Variants in CDS2 observed in about 807,000 individuals in gnomAD.
CDS2 encodes the protein phosphatidate cytidylyltransferase 2.
A neutral mutation model predicts 59.0 loss-of-function variants in CDS2; 47 were observed. That is an observed-to-expected ratio of 0.80 (90% CI 0.63 to 1.02). The LOEUF (loss-of-function observed/expected upper bound fraction) is 1.02, where lower values mean the gene tolerates loss of function less well. Ranked by LOEUF, CDS2 falls within the 50% of genes least tolerant of loss-of-function variation. The pLI, the probability that CDS2 is intolerant of heterozygous loss-of-function variation, is 0.00. For missense variants in CDS2, 356 were observed against 558.9 expected (o/e 0.64, Z 3.66); for synonymous variants, 207 against 206.4 (o/e 1.00, Z -0.02).
At chr20:5,135,648 C>A (rs1238022151) in intron 1 of CDS2, among the ~76,000 whole-genome samples, 8 of 152,170 alleles carry the variant, frequency 5.3e-5, no homozygotes, top group Non-Finnish European at 1.2e-4. Context: ...CGTATGGTCC[C>A]CACCGGGCAG....
chr20:5,186,624 C>T (rs2091069850), intron 9 of CDS2, 63 bp from the exon 10 acceptor site: 1 of 1,581,022 alleles, frequency 6.3e-7, no homozygotes, highest in Non-Finnish European at 8.7e-7. Flanking sequence ...AACCAGGTGC[C>T]TGTGTCTGGG....
At chr20:5,170,895 A>T (rs1406141695) in intron 1 of CDS2, among the ~76,000 whole-genome samples, 3 of 152,264 alleles carry the variant, frequency 2.0e-5, no homozygotes, top group Admixed American at 2.0e-4. Flanking sequence ...CACCGATCCC[A>T]CAGAAATACA....
At chr20:5,181,941 T>C (rs761854869) in intron 5 of CDS2, among the ~76,000 whole-genome samples, 4 of 152,220 alleles carry the variant, frequency 2.6e-5, no homozygotes, top group Non-Finnish European at 5.9e-5. Context: ...TGTGGTGTGT[T>C]GTTGACGAGA....
chr20:5,186,857 G>T lies in CDS2; in HGVS notation c.981+18G>T. The T allele has an allele frequency of 5.6e-6, 9 of 1,613,464 alleles. No individual in the cohort carries two copies. Among genetic ancestry groups the T allele is most frequent in the South Asian group, 3.3e-5 (3 of 91,048 alleles). On this transcript the variant is annotated intron_variant, in intron 10 of 12. Transcript: ENST00000460006. ...TTGGCTGGGTATGTGCCACTCACAG[G>T]GGGTGAGCGGCCTCCATGGACAGTG...
intron 1 of CDS2, among the ~76,000 whole-genome samples, chr20:5,136,212 T>TA (rs142696954): frequency 0.083 from 12,705 of 152,234 alleles, 605 homozygotes; most frequent in Middle Eastern, 0.15. Context: ...AAGACATTCC[T>TA]AGGTGCATGC....
chr20:5,155,170 TCC>T (rs1218700661), intron 1 of CDS2, among the ~76,000 whole-genome samples: 3 of 152,192 alleles, frequency 2.0e-5, no homozygotes, highest in African/African-American at 7.2e-5. Flanking sequence ...TTGGAGGCAC[TCC>T]CCCACCCCAA....
intron 1 of CDS2, chr20:5,128,088 C>G (rs1277363522): frequency 6.6e-6 from 1 of 152,158 alleles, no homozygotes; most frequent in Non-Finnish European, 1.5e-5. Context: ...TTCTTTGGCC[C>G]ACATATTGCC....
chr20:5,183,638 C>A (rs1281345900), intron 7 of CDS2, among the ~76,000 whole-genome samples: 1 of 152,170 alleles, frequency 6.6e-6, no homozygotes, highest in Non-Finnish European at 1.5e-5. Flanking sequence ...TTTTATCTAA[C>A]CTTTATACCA....
chr20:5,152,307 A>T, intron 1 of CDS2, among the ~76,000 whole-genome samples: 1 of 151,868 alleles, frequency 6.6e-6, no homozygotes, highest in East Asian at 1.9e-4. Context: ...AACTTTAAGG[A>T]TTTCTTTTTT....
At chr20:5,129,643 T>C (rs1258308576) in intron 1 of CDS2, among the ~76,000 whole-genome samples, 1 of 152,110 alleles carries the variant, frequency 6.6e-6, no homozygotes, top group African/African-American at 2.4e-5. Context: ...GGCTTCTCAA[T>C]GTTGGTCAGG....
chr20:5,162,243 A>G (rs1483050124), intron 1 of CDS2, among the ~76,000 whole-genome samples: 1 of 152,194 alleles, frequency 6.6e-6, no homozygotes, highest in East Asian at 1.9e-4. Context: ...TTGAGTGCCA[A>G]TGTGATGCTC....
At chr20:5,183,540 T>C (rs2091046103) in intron 7 of CDS2, among the ~76,000 whole-genome samples, 1 of 152,204 alleles carries the variant, frequency 6.6e-6, no homozygotes, top group South Asian at 2.1e-4. Flanking sequence ...AAAACGTGAA[T>C]AGATCAGTAA....
At chr20:5,131,581 A>G (rs1045106335) in intron 1 of CDS2, among the ~76,000 whole-genome samples, 2 of 152,262 alleles carry the variant, frequency 1.3e-5, no homozygotes, top group East Asian at 1.9e-4. Flanking sequence ...AGTGCTATTT[A>G]AATTAGAGCT....
intron 1 of CDS2, among the ~76,000 whole-genome samples, chr20:5,129,303 GTCTC>G (rs1208345556): frequency 3.3e-5 from 5 of 152,168 alleles, no homozygotes; most frequent in African/African-American, 1.2e-4. Context: ...TTTAGACGGA[GTCTC>G]TCTCTGTCGC....
chr20:5,176,390 T>TAAA, intron 3 of CDS2: 4 of 335,246 alleles, frequency 1.2e-5, no homozygotes, highest in South Asian at 4.1e-5. Context: ...AACCCTGTCT[T>TAAA]AAAAAAAAAA....
intron 1 of CDS2, among the ~76,000 whole-genome samples, chr20:5,164,647 T>A (rs2090900511): frequency 6.6e-6 from 1 of 151,882 alleles, no homozygotes; most frequent in South Asian, 2.1e-4. Context: ...AAAAAATTCC[T>A]TCCTTCCCCA....
At chr20:5,162,923 G>T (rs1294688839) in intron 1 of CDS2, among the ~76,000 whole-genome samples, 1 of 152,168 alleles carries the variant, frequency 6.6e-6, no homozygotes, top group Non-Finnish European at 1.5e-5. Flanking sequence ...AGGGGAATCT[G>T]TCTGATTTGG....
Position 5,181,532 on chromosome 20 carries a change from A to G in CDS2, c.530-855A>G, listed in dbSNP as rs533557807. On this transcript the variant is annotated intron_variant, in intron 5 of 12. Coordinates refer to ENST00000460006, the MANE Select transcript of CDS2 (RefSeq NM_003818.4). ...AGAATTGCTACTCTGTAGGCACAAC[A>G]GGCAGCAAACTTTTTATTAAAGTTC... 2.6e-5 allele frequency among the ~76,000 whole-genome samples: 4 copies of G among 152,372 alleles called. No individual in the cohort carries two copies. The East Asian group carries it at 7.7e-4, about 29-fold the overall frequency.
chr20:5,182,533 C>T, intron 6 of CDS2, 88 bp downstream of exon 6: 15 of 1,185,402 alleles, frequency 1.3e-5, no homozygotes, highest in Non-Finnish European at 1.7e-5. Flanking sequence ...CTTTCTGTGA[C>T]AAATCAAAAC....
Sources: allele counts gnomAD v4.1 joint callset (sites outside exome capture counted in the v4.1 genomes callset), GRCh38; gene constraint gnomAD v4.1.1; transcripts MANE v1.5; gene names NCBI Gene and HGNC (gene_info 2026-07-23, HGNC 2026-07-21).